The following CSF2RA variants were observed in gnomAD, a reference collection of about 807,000 sequenced individuals.
CSF2RA encodes the protein granulocyte-macrophage colony-stimulating factor receptor subunit alpha.
CSF2RA carries 42 observed loss-of-function variants against 51.6 expected under a neutral mutation model. That is an observed-to-expected ratio of 0.81 (90% CI 0.64 to 1.05). The LOEUF is 1.05. Ranked by LOEUF, CSF2RA falls within the 50% of genes least tolerant of loss-of-function variation. The pLI, the probability that CSF2RA is intolerant of heterozygous loss-of-function variation, is 0.00. For missense variants in CSF2RA, 530 were observed against 501.1 expected (o/e 1.06, Z -0.55); for synonymous variants, 222 against 193.0 (o/e 1.15, Z -1.24).
the CSF2RA span, among the ~76,000 whole-genome samples, chrX:1,325,135 C>T: frequency 5.3e-5 from 8 of 150,898 alleles, no homozygotes; most frequent in Admixed American, 4.0e-4. Flanking sequence ...CCGAGACGGG[C>T]GGATCAAGAG....
rs1569494208 is a variant in CSF2RA, at chrX:1,280,853, T to TC, written c.-26-1824dup. On this transcript the variant is annotated intron_variant, in intron 2 of 12. Transcript: ENST00000381529. ...CTTCTTTTCTCCTCCTTCCTCTCCT[T>TC]CTCCTCCTCCTCCTCCTCCTTCTCC... 1.4e-3 allele frequency among the ~76,000 whole-genome samples: 108 copies of TC among 76,816 alleles called. 6 individuals carry two copies. The East Asian group carries it at 0.019, about 13-fold the overall frequency. 50.4% of individuals were successfully genotyped at this position (76,816 alleles called of 152,430 possible).
At chrX:1,303,255 A>G (rs2083195622) in intron 10 of CSF2RA, 1 of 402,610 alleles carries the variant, frequency 2.5e-6, no homozygotes. Flanking sequence ...ATTTATTTTG[A>G]CACAGGGTCT....
At chrX:1,313,268 CA>C (rs1166611540), downstream of CSF2RA, among the ~76,000 whole-genome samples, 677 of 149,096 alleles carry the variant, frequency 4.5e-3, 3 homozygotes, top group African/African-American at 0.016. Flanking sequence ...ACTACAAATA[CA>C]AAAAAAAAAA....
intron 1 of CSF2RA, among the ~76,000 whole-genome samples, chrX:1,272,590 C>T (rs865915545): frequency 2.0e-5 from 3 of 151,392 alleles, no homozygotes; most frequent in African/African-American, 4.8e-5. Flanking sequence ...TGGGTTCACC[C>T]GATTTTCCTG....
At chrX:1,312,757 C>A (rs1212297330), downstream of CSF2RA, among the ~76,000 whole-genome samples, 4 of 152,238 alleles carry the variant, frequency 2.6e-5, no homozygotes, top group East Asian at 7.7e-4. Context: ...CAGCTGTTTC[C>A]TCCCTCGTGG....
intron 9 of CSF2RA, 120 bp downstream of exon 9, chrX:1,295,576 A>C: frequency 1.3e-6 from 1 of 794,976 alleles, no homozygotes; most frequent in African/African-American, 1.9e-5. Context: ...CCTACCGACG[A>C]CCTCCAGCGT....
At chrX:1,301,752 A>G (rs1447751582) in intron 10 of CSF2RA, among the ~76,000 whole-genome samples, 40 of 148,580 alleles carry the variant, frequency 2.7e-4, no homozygotes, top group Admixed American at 2.7e-4. Flanking sequence ...GCCCATCACC[A>G]CGCCTGGCTA....
At chrX:1,305,046 TG>T (rs1316461960) in intron 11 of CSF2RA, among the ~76,000 whole-genome samples, 2 of 149,394 alleles carry the variant, frequency 1.3e-5, no homozygotes, top group African/African-American at 4.9e-5. Context: ...CAGGCTGGAG[TG>T]CAGTGGTGCA....
chrX:1,321,442 C>T, the CSF2RA span, among the ~76,000 whole-genome samples: 1 of 151,734 alleles, frequency 6.6e-6, no homozygotes, highest in South Asian at 2.1e-4. Flanking sequence ...GCACTCCAGC[C>T]TGGGTGACAG....
At chrX:1,317,978 TTTC>T in the CSF2RA span, among the ~76,000 whole-genome samples, 1 of 150,618 alleles carries the variant, frequency 6.6e-6, no homozygotes, top group Non-Finnish European at 1.5e-5. Context: ...GGCTAATTTT[TTTC>T]TTTTCTTTTT....
chrX:1,305,410 G>C (rs766146415), intron 11 of CSF2RA, 36 bp from the exon 12 acceptor site: 1 of 1,609,974 alleles, frequency 6.2e-7, no homozygotes, highest in Non-Finnish European at 8.5e-7. Flanking sequence ...GGTGACCCGG[G>C]GTTCATTCTC....
chrX:1,308,731 A>G (rs1172236649), intron 12 of CSF2RA, among the ~76,000 whole-genome samples: 10 of 151,310 alleles, frequency 6.6e-5, no homozygotes, highest in African/African-American at 2.2e-4. Flanking sequence ...CTTTCCACTG[A>G]CCCCCAGGGG....
At chrX:1,314,514 GCACCTGCCCAATCC>G (rs1569514907), downstream of CSF2RA, among the ~76,000 whole-genome samples, 134 of 113,426 alleles carry the variant, frequency 1.2e-3, 7 homozygotes, top group East Asian at 2.1e-3. Context: ...CAACCGCACT[GCACCTGCCCAATCC>G]CACTGCACCT....
chrX:1,323,889 C>T, the CSF2RA span, among the ~76,000 whole-genome samples: 2 of 151,984 alleles, frequency 1.3e-5, no homozygotes, highest in Admixed American at 6.6e-5. Flanking sequence ...TGGTGGGCGC[C>T]TGTAGTCCCA....
intron 12 of CSF2RA, among the ~76,000 whole-genome samples, chrX:1,308,366 G>C (rs1355986557): frequency 6.6e-6 from 1 of 152,092 alleles, no homozygotes; most frequent in Non-Finnish European, 1.5e-5. Flanking sequence ...GGTGGAAGAA[G>C]GTGAGAGGGG....
the CSF2RA span, among the ~76,000 whole-genome samples, chrX:1,318,692 C>A: frequency 6.6e-6 from 1 of 151,408 alleles, no homozygotes; most frequent in South Asian, 2.1e-4. Flanking sequence ...CCGAGGCAGG[C>A]AGATCACAAG....
chrX:1,294,947 C>T (rs1252153697), intron 8 of CSF2RA, among the ~76,000 whole-genome samples: 1 of 152,240 alleles, frequency 6.6e-6, no homozygotes, highest in African/African-American at 2.4e-5. Context: ...TACCTGGACC[C>T]AGTGTAGACA....
At position 1,287,601 on chromosome X, in the gene CSF2RA, A is replaced by G. The variant is rs111872901; in HGVS notation, c.220-918A>G. Among the ~76,000 whole-genome samples the G allele has an allele frequency of 1.9e-3, 259 of 137,950 alleles. 2 individuals are homozygous for G. The highest frequency in any genetic ancestry group is 3.3e-3 in the South Asian group (14 of 4,204). 90.5% of individuals were successfully genotyped at this position (137,950 alleles called of 152,430 possible). On this transcript the variant is annotated intron_variant, in intron 4 of 12. Coordinates refer to ENST00000381529, the MANE Select transcript of CSF2RA (RefSeq NM_172245.4). ...TGGGATTACAGGTGCCCACCACCAC[A>G]CCTGGCTAATTTTTGTATTTTTAGT...
intron 7 of CSF2RA, among the ~76,000 whole-genome samples, chrX:1,293,725 T>C (rs1458161060): frequency 2.0e-5 from 3 of 151,482 alleles, no homozygotes; most frequent in African/African-American, 7.3e-5. Flanking sequence ...GGACCCAGTG[T>C]AGACAAAGAG....
Sources: allele counts gnomAD v4.1 joint callset (sites outside exome capture counted in the v4.1 genomes callset), GRCh38; gene constraint gnomAD v4.1.1; transcripts MANE v1.5; gene names NCBI Gene and HGNC (gene_info 2026-07-23, HGNC 2026-07-21).